PJVK: variants seen among roughly 807,000 people sequenced by gnomAD.
The protein encoded by PJVK is pejvakin, also known as autosomal recessive deafness type 59 protein.
A neutral mutation model predicts 37.6 loss-of-function variants in PJVK; 33 were observed. That is an observed-to-expected ratio of 0.88 (90% CI 0.67 to 1.17). PJVK has a LOEUF of 1.17. PJVK is among the 50% of genes most tolerant of loss of function. The probability of loss-of-function intolerance (pLI) is 0.00; values close to 1 mark genes in which losing one functional copy is unlikely to be tolerated. For missense variants in PJVK, 410 were observed against 413.8 expected (o/e 0.99, Z 0.08); for synonymous variants, 141 against 143.5 (o/e 0.98, Z 0.13).
At chr2:178,454,918 A>G (rs1178351647) in intron 3 of PJVK, 3 of 906,838 alleles carry the variant, frequency 3.3e-6, no homozygotes, top group Non-Finnish European at 5.6e-6. Flanking sequence ...CTGAAGCCCA[A>G]CCTAGGCAAC....
At chr2:178,455,911 G>C in intron 3 of PJVK, 99 bp from the exon 4 acceptor site, 1 of 1,363,450 alleles carries the variant, frequency 7.3e-7, no homozygotes, top group Non-Finnish European at 1.0e-6. Flanking sequence ...TTTACTATTA[G>C]GTGAACTATG....
chr2:178,454,800 G>T, intron 3 of PJVK: 1 of 1,514,472 alleles, frequency 6.6e-7, no homozygotes, highest in Admixed American at 1.7e-5. Flanking sequence ...CCAGAAATAG[G>T]ATGCAGAGAA....
intron 1 of PJVK, chr2:178,452,282 G>C: frequency 1.1e-6 from 1 of 947,644 alleles, no homozygotes; most frequent in Non-Finnish European, 1.2e-6. Flanking sequence ...GACAGAGTCA[G>C]ACTCCCTCTC....
In PJVK at chr2:178,461,366, T is replaced by G. The variant is rs1684501408; in HGVS notation, c.*92T>G. The G allele has an allele frequency of 1.4e-6, 2 of 1,475,728 alleles. No homozygotes were observed. The highest frequency in any genetic ancestry group is 1.9e-6 in the Non-Finnish European group (2 of 1,071,508). The allele number at this position is 1,475,728 out of a possible 1,614,324, so 91.4% of individuals were successfully genotyped here. On this transcript the variant is annotated 3_prime_UTR_variant, in exon 7 of 7. Coordinates refer to ENST00000644580, the MANE Select transcript of PJVK (RefSeq NM_001042702.5). ...TCTAGGTTTGCTTTGATGAATTAAA[T>G]TAAAATGAGAAAAGCAAAAAGAAAT... is the stretch of plus-strand genomic sequence containing the variant.
chr2:178,457,029 C>A (rs187679623), intron 4 of PJVK, among the ~76,000 whole-genome samples: 5 of 152,048 alleles, frequency 3.3e-5, no homozygotes, highest in Admixed American at 6.5e-5. Flanking sequence ...AGTGCAGTGG[C>A]GCGATCTTGG....
chr2:178,456,303 C>A, intron 4 of PJVK, 152 bp downstream of exon 4: 6 of 875,214 alleles, frequency 6.9e-6, no homozygotes, highest in African/African-American at 1.7e-5. Context: ...AATGTCTGTT[C>A]TAGAATATGA....
In PJVK at chr2:178,455,911, G is replaced by T. The variant is rs112235795; in HGVS notation, c.408-99G>T. On this transcript the variant is annotated intron_variant, in intron 3 of 6. Transcript: ENST00000644580. ...TTAGGATTGCCTTGATTTACTATTA[G>T]GTGAACTATGAATGAATAACACATG... 2.6e-5 allele frequency: 36 copies of T among 1,363,450 alleles called. No homozygotes were observed. The African/African-American group carries it at 2.9e-4, about 11-fold the overall frequency. The allele number at this position is 1,363,450 out of a possible 1,614,324, so 84.5% of individuals were successfully genotyped here.
intron 5 of PJVK, chr2:178,459,364 G>C: frequency 3.0e-6 from 1 of 335,186 alleles, no homozygotes; most frequent in Non-Finnish European, 6.3e-6. Flanking sequence ...AAAACTACAT[G>C]TTAAGTAAAT....
At chr2:178,452,505 AT>A in intron 1 of PJVK, 1 of 985,292 alleles carries the variant, frequency 1.0e-6, no homozygotes, top group Non-Finnish European at 1.2e-6. Flanking sequence ...GAAGGGCTAC[AT>A]AGTCAGTATT....
At chr2:178,452,608 G>C (rs1032982535) in intron 1 of PJVK, 16 of 985,176 alleles carry the variant, frequency 1.6e-5, no homozygotes, top group Non-Finnish European at 1.8e-5. Flanking sequence ...CTTAAAAACA[G>C]GCCAGAACTT....
rs1359901071 is a variant in PJVK at position 178,461,517 on chromosome 2, A to G, written c.*243A>G. 6.3e-5 allele frequency: 28 copies of G among 446,434 alleles called. No individual in the cohort carries two copies. The highest frequency in any genetic ancestry group is 3.7e-4 in the South Asian group (15 of 40,400). 27.7% of individuals were successfully genotyped at this position (446,434 alleles called of 1,614,324 possible). A position where few individuals can be genotyped will look rare whatever the true frequency, so the allele number is the denominator to read the frequency against. On this transcript the variant is annotated 3_prime_UTR_variant, in exon 7 of 7. Coordinates refer to ENST00000644580, the MANE Select transcript of PJVK (RefSeq NM_001042702.5). Reference sequence around the variant, plus strand: ...CAAAAAAGATTTACATATAAAATTCAGAGATTATGAATCATGCCAGTCACT... The same window carrying G: ...CAAAAAAGATTTACATATAAAATTCGGAGATTATGAATCATGCCAGTCACT...
chr2:178,458,478 C>G (rs1180539394), intron 4 of PJVK, 32 bp from the exon 5 acceptor site: 1 of 1,489,518 alleles, frequency 6.7e-7, no homozygotes, highest in Non-Finnish European at 9.4e-7. Flanking sequence ...ATGTTATGAT[C>G]CTTAATTATG....
chr2:178,453,366 T>C, intron 1 of PJVK, 22 bp from the exon 2 acceptor site: 1 of 1,604,028 alleles, frequency 6.2e-7, no homozygotes. Flanking sequence ...TCTTTAAAAA[T>C]GGATTTATCT....
chr2:178,459,612 A>G (rs1334809982), intron 5 of PJVK, among the ~76,000 whole-genome samples: 1 of 152,192 alleles, frequency 6.6e-6, no homozygotes, highest in East Asian at 1.9e-4. Context: ...AAAAAACTGT[A>G]CAATTACATT....
At chr2:178,454,865 TGAGGAAGATGAGGAG>T (rs1278936571) in intron 3 of PJVK, 5 of 995,676 alleles carry the variant, frequency 5.0e-6, no homozygotes, top group Non-Finnish European at 8.1e-6. Context: ...AGCAGAAGAC[TGAGGAAGATGAGGAG>T]GAGGAAGATG....
intron 4 of PJVK, 53 bp downstream of exon 4, chr2:178,456,204 T>C: frequency 1.9e-6 from 3 of 1,591,066 alleles, no homozygotes. Flanking sequence ...CCATGGGAAT[T>C]TTTTTAAGTA....
At chr2:178,455,222 A>G in intron 3 of PJVK, 1 of 1,560,776 alleles carries the variant, frequency 6.4e-7, no homozygotes, top group Non-Finnish European at 8.8e-7. Context: ...TGACCCTGAG[A>G]TCAATACCAA....
intron 3 of PJVK, chr2:178,455,143 CGGCAAGGTG>C: frequency 3.1e-6 from 5 of 1,600,814 alleles, no homozygotes; most frequent in Non-Finnish European, 4.3e-6. Context: ...TCATTGAGGA[CGGCAAGGTG>C]GTGACTGTGC....
At chr2:178,454,650 G>C (rs901219887) in intron 3 of PJVK, 123 bp downstream of exon 3, 1 of 1,434,052 alleles carries the variant, frequency 7.0e-7, no homozygotes, top group East Asian at 2.5e-5. Flanking sequence ...TGCTAGATAT[G>C]TTTGAAATAC....
Sources: gnomAD v4.1 joint callset for allele counts (sites outside exome capture counted in the v4.1 genomes callset) on GRCh38, gnomAD v4.1.1 for gene constraint, MANE v1.5 for transcripts, NCBI Gene and HGNC (gene_info 2026-07-23, HGNC 2026-07-21) for gene names.